The following RYR2 variants were observed in gnomAD, a reference collection of about 807,000 sequenced individuals.
RYR2 encodes cardiac muscle ryanodine receptor-calcium release channel.
RYR2 carries 227 observed loss-of-function variants against 601.1 expected under a neutral mutation model. The ratio of observed to expected loss-of-function variants is 0.38; its 90% confidence interval spans 0.34 to 0.42. RYR2 has a LOEUF of 0.42. RYR2 is among the 10% of genes least tolerant of loss of function. The pLI is 1.00. For synonymous variants in RYR2, 2,223 were observed against 2,175.1 expected (o/e 1.02, Z -0.61); for missense variants, 4,646 against 6,156.5 (o/e 0.75, Z 8.21).
intron 27 of RYR2, chr1:237,555,027 A>G (rs1163649323): frequency 1.3e-5 from 2 of 152,076 alleles, no homozygotes; most frequent in Non-Finnish European, 2.9e-5. Context: ...TGCTGTGGTT[A>G]TGTGTGACTA....
intron 11 of RYR2, among the ~76,000 whole-genome samples, chr1:237,418,974 ACT>A (rs10554834): frequency 0.41 from 62,110 of 151,532 alleles, 14,951 homozygotes; most frequent in African/African-American, 0.68. Flanking sequence ...ACAAAGGAAA[ACT>A]CATAGCTTTT....
At chr1:237,673,541 C>G (rs1685140214) in intron 58 of RYR2, among the ~76,000 whole-genome samples, 1 of 152,056 alleles carries the variant, frequency 6.6e-6, no homozygotes, top group South Asian at 2.1e-4. Flanking sequence ...GTATTAGACA[C>G]TTAAGAGTGA....
chr1:237,626,222 G>A (rs1226492739), intron 40 of RYR2, among the ~76,000 whole-genome samples: 2 of 152,090 alleles, frequency 1.3e-5, no homozygotes, highest in Admixed American at 6.5e-5. Context: ...TTCCTCAACT[G>A]TTGTATACTT....
At chr1:237,326,507 T>A (rs1175374321) in intron 2 of RYR2, among the ~76,000 whole-genome samples, 3 of 152,200 alleles carry the variant, frequency 2.0e-5, no homozygotes, top group Non-Finnish European at 4.4e-5. Flanking sequence ...GTAAACGCCA[T>A]ATGTAATGTG....
intron 2 of RYR2, among the ~76,000 whole-genome samples, chr1:237,272,011 T>A (rs1689735983): frequency 6.6e-6 from 1 of 152,038 alleles, no homozygotes; most frequent in Non-Finnish European, 1.5e-5. Context: ...ACACCTGTAA[T>A]CCCAGCTACT....
At chr1:237,538,900 T>G (rs909123538) in intron 25 of RYR2, among the ~76,000 whole-genome samples, 2 of 152,158 alleles carry the variant, frequency 1.3e-5, no homozygotes, top group African/African-American at 4.8e-5. Flanking sequence ...GAGAGCAAGG[T>G]TTCTTATTTC....
intron 13 of RYR2, 133 bp downstream of exon 13, chr1:237,441,616 C>T (rs1009718620): frequency 4.3e-6 from 3 of 698,602 alleles, no homozygotes; most frequent in Non-Finnish European, 6.8e-6. Flanking sequence ...AGGGCAGATT[C>T]CACTGTAATA....
At chr1:237,274,385 A>G (rs1558536904) in intron 2 of RYR2, among the ~76,000 whole-genome samples, 1 of 149,918 alleles carries the variant, frequency 6.7e-6, no homozygotes, top group Non-Finnish European at 1.5e-5. Flanking sequence ...TTTGAGTCTT[A>G]GTTTTTAACA....
chr1:237,581,284 A>T (rs1054821954), intron 29 of RYR2, among the ~76,000 whole-genome samples: 14 of 152,158 alleles, frequency 9.2e-5, no homozygotes, highest in African/African-American at 2.4e-4. Flanking sequence ...GCAAGTAAAG[A>T]TCATCTCAGA....
At chr1:237,416,048 G>A (rs539137783) in intron 10 of RYR2, among the ~76,000 whole-genome samples, 1 of 152,230 alleles carries the variant, frequency 6.6e-6, no homozygotes, top group South Asian at 2.1e-4. Flanking sequence ...GGAACGGCAG[G>A]TGAGAATGGT....
intron 12 of RYR2, among the ~76,000 whole-genome samples, chr1:237,434,959 A>G (rs988291309): frequency 2.0e-5 from 3 of 152,052 alleles, no homozygotes; most frequent in African/African-American, 7.2e-5. Flanking sequence ...TAGTTTTAGT[A>G]GAGACGGGGT....
At chr1:237,108,038 C>T (rs988342353) in intron 1 of RYR2, among the ~76,000 whole-genome samples, 1 of 152,196 alleles carries the variant, frequency 6.6e-6, no homozygotes, top group Non-Finnish European at 1.5e-5. Context: ...AGCTAACCTT[C>T]CTGGTGGTGC....
intron 24 of RYR2, among the ~76,000 whole-genome samples, chr1:237,521,878 C>T (rs1198101698): frequency 6.6e-6 from 1 of 152,114 alleles, no homozygotes; most frequent in Non-Finnish European, 1.5e-5. Flanking sequence ...TGCCCTTGTA[C>T]TCTTGCTTGC....
At chr1:237,761,304 G>T (rs1216911888) in intron 84 of RYR2, among the ~76,000 whole-genome samples, 1 of 152,078 alleles carries the variant, frequency 6.6e-6, no homozygotes, top group Non-Finnish European at 1.5e-5. Flanking sequence ...GAAGGATCAA[G>T]ATCCTTTATT....
chr1:237,233,046 A>G (rs1350704050), intron 1 of RYR2, among the ~76,000 whole-genome samples: 2 of 152,196 alleles, frequency 1.3e-5, no homozygotes, highest in Admixed American at 6.5e-5. Context: ...CTATGCATAA[A>G]TGATATTTTT....
intron 56 of RYR2, among the ~76,000 whole-genome samples, chr1:237,663,256 T>A (rs182410581): frequency 3.9e-4 from 60 of 152,360 alleles, no homozygotes; most frequent in African/African-American, 1.4e-3. Context: ...GTCATCTTGT[T>A]AAACCTCTTC....
rs1663671812 is a variant in RYR2 at position 237,830,676 on chromosome 1, A to G, written c.14756+46A>G. 4.3e-6 allele frequency: 4 copies of G among 923,936 alleles called. No homozygotes were observed. The East Asian group carries it at 9.7e-5, about 22-fold the overall frequency. 57.2% of individuals were successfully genotyped at this position (923,936 alleles called of 1,614,324 possible). A position where few individuals can be genotyped will look rare whatever the true frequency, so the allele number is the denominator to read the frequency against. On this transcript the variant is annotated intron_variant, in intron 103 of 104. Transcript: ENST00000366574. Reference sequence around the variant, plus strand: ...ATCTTCCACCTCTCCAGTAGACGCCACTGGTCCCTGCCCATCTCAGAATAG... The same window carrying G: ...ATCTTCCACCTCTCCAGTAGACGCCGCTGGTCCCTGCCCATCTCAGAATAG...
rs138480999 is a variant in RYR2 at position 237,565,836 on chromosome 1, C to G, written c.3215-731C>G. ...GGGTTCCTCATTCTGAGACTTCCCC[C>G]TCTCGTCTCTCTCAATCTCACCTGC... is the stretch of plus-strand genomic sequence containing the variant. On this transcript the variant is annotated intron_variant, in intron 27 of 104. Transcript: ENST00000366574. 2.6e-3 allele frequency among the ~76,000 whole-genome samples: 400 copies of G among 152,212 alleles called. 1 individual carries two copies. The highest frequency in any genetic ancestry group is 9.3e-3 in the African/African-American group (385 of 41,512).
chr1:237,137,917 A>G (rs998894934), intron 1 of RYR2, among the ~76,000 whole-genome samples: 4 of 152,236 alleles, frequency 2.6e-5, no homozygotes, highest in African/African-American at 4.8e-5. Context: ...ACAGACTCTC[A>G]ACATGCTTAC....
Sources: allele counts gnomAD v4.1 joint callset (sites outside exome capture counted in the v4.1 genomes callset), GRCh38; gene constraint gnomAD v4.1.1; transcripts MANE v1.5; gene names NCBI Gene and HGNC (gene_info 2026-07-23, HGNC 2026-07-21).